The following COL8A1 variants were observed in gnomAD, a reference collection of about 807,000 sequenced individuals.
The protein encoded by COL8A1 is collagen type VIII alpha 1 chain.
COL8A1 carries 21 observed loss-of-function variants against 42.7 expected under a neutral mutation model. The observed-to-expected ratio is 0.49, with a 90% CI of 0.35 to 0.71. COL8A1 has a LOEUF of 0.71. COL8A1 is among the 30% of genes least tolerant of loss of function. The pLI is 0.01. For synonymous variants in COL8A1, 367 were observed against 369.1 expected (o/e 0.99, Z 0.06); for missense variants, 788 against 962.4 (o/e 0.82, Z 2.40).
chr3:99,747,785 T>C (rs1319807085), intron 2 of COL8A1, among the ~76,000 whole-genome samples: 1 of 152,212 alleles, frequency 6.6e-6, no homozygotes, highest in Non-Finnish European at 1.5e-5. Flanking sequence ...TACTTGTTAC[T>C]GCCACTGTCT....
At chr3:99,786,466 G>A (rs1397589405) in intron 2 of COL8A1, among the ~76,000 whole-genome samples, 1 of 152,056 alleles carries the variant, frequency 6.6e-6, no homozygotes, top group Non-Finnish European at 1.5e-5. Context: ...ACCAGAAAGT[G>A]GGTCTTCACT....
chr3:99,674,546 C>A (rs947751486), intron 1 of COL8A1, among the ~76,000 whole-genome samples: 1 of 152,054 alleles, frequency 6.6e-6, no homozygotes, highest in Admixed American at 6.6e-5. Context: ...CATGACTTGA[C>A]TCTCTATTCT....
intron 1 of COL8A1, among the ~76,000 whole-genome samples, chr3:99,734,376 A>G (rs1207632652): frequency 7.0e-6 from 1 of 143,868 alleles, no homozygotes; most frequent in Non-Finnish European, 1.5e-5. Context: ...ATGGCTAGCC[A>G]GTTTTCCCAG....
In COL8A1 at chr3:99,783,770, C is replaced by T. The variant is rs114043658; in HGVS notation, c.-3-6910C>T. 1.8e-3 allele frequency among the ~76,000 whole-genome samples: 276 copies of T among 152,320 alleles called. 3 individuals carry two copies. The highest frequency in any genetic ancestry group is 6.5e-3 in the African/African-American group (272 of 41,566). ...GCGGGGTTTGGGGGGATCTGCCAAA[C>T]ACTTTTAAACCATCAGATCTCATGA... is the stretch of plus-strand genomic sequence containing the variant. On this transcript the variant is annotated intron_variant, in intron 2 of 3. Transcript: ENST00000652472.
intron 1 of COL8A1, among the ~76,000 whole-genome samples, chr3:99,668,148 T>C (rs995015638): frequency 7.2e-5 from 11 of 152,090 alleles, no homozygotes; most frequent in Admixed American, 7.2e-4. Flanking sequence ...TTTTAAACTT[T>C]GGCAATGCTA....
intron 1 of COL8A1, chr3:99,675,700 A>C (rs1166574388): frequency 1.3e-5 from 2 of 152,456 alleles, no homozygotes; most frequent in East Asian, 3.9e-4. Context: ...AAGTCATCTC[A>C]AGAACAAAAG....
intron 3 of COL8A1, among the ~76,000 whole-genome samples, chr3:99,793,289 A>C (rs992040934): frequency 2.6e-5 from 4 of 152,214 alleles, no homozygotes; most frequent in Non-Finnish European, 5.9e-5. Flanking sequence ...CAAATTTCTC[A>C]CGAGATAAAA....
intron 1 of COL8A1, among the ~76,000 whole-genome samples, chr3:99,668,652 C>G (rs1938437427): frequency 6.6e-6 from 1 of 151,972 alleles, no homozygotes; most frequent in African/African-American, 2.4e-5. Context: ...AAACCTGACC[C>G]TCAGAACTTG....
rs569558988 is a variant in COL8A1 at position 99,766,649 on chromosome 3, C to G, written c.-4+21628C>G. On this transcript the variant is annotated intron_variant, in intron 2 of 3. Transcript: ENST00000652472. Reference sequence around the variant, plus strand: ...GACTCTCAGAAGCCAGTACCACTGACAGTTAAAGTTGATGTCCTGGCCAGA... The same window carrying G: ...GACTCTCAGAAGCCAGTACCACTGAGAGTTAAAGTTGATGTCCTGGCCAGA... Among the ~76,000 whole-genome samples the G allele has an allele frequency of 5.9e-5, 9 of 152,284 alleles. No individual in the cohort carries two copies. The East Asian group carries it at 1.7e-3, about 29-fold the overall frequency.
At chr3:99,773,833 A>ATATATATTATATATATATATATATATT (rs1941633711) in intron 2 of COL8A1, among the ~76,000 whole-genome samples, 1 of 71,658 alleles carries the variant, frequency 1.4e-5, no homozygotes, top group Non-Finnish European at 2.7e-5. Context: ...ATATATATAT[A>ATATATATTATATATATATATATATATT]TATATTTTTT....
rs535316525 is a variant in COL8A1, at chr3:99,793,905, C to G, written c.329-325C>G. ...TAGCTGGGACTACAGGCATGTGCCA[C>G]CACACCCGGCTAATTTTTGTATTTT... On this transcript the variant is annotated intron_variant, in intron 3 of 3. Coordinates refer to ENST00000652472, the MANE Select transcript of COL8A1 (RefSeq NM_020351.4). Among the ~76,000 whole-genome samples the G allele has an allele frequency of 1.1e-4, 16 of 152,268 alleles. No homozygotes were observed. In the South Asian group the frequency reaches 2.7e-3, roughly 26 times the overall value.
chr3:99,726,125 T>C (rs1379873274), intron 1 of COL8A1, among the ~76,000 whole-genome samples: 4 of 152,206 alleles, frequency 2.6e-5, no homozygotes, highest in Non-Finnish European at 4.4e-5. Flanking sequence ...TGTGAGATGG[T>C]ATCTCATTGT....
In COL8A1 at chr3:99,794,636, C is replaced by T. The variant is rs1174705949; in HGVS notation, c.735C>T (p.Phe245=). The T allele has an allele frequency of 1.4e-5, 23 of 1,613,266 alleles. No homozygotes were observed. The highest frequency in any genetic ancestry group is 1.1e-4 in the South Asian group (10 of 91,046). Reference sequence around the variant, plus strand: ...GGGGTCCTAAAGGAGACAAGGGCTTCGGGATGCCAGGTGCGCCAGGTGTAA... The same window carrying T: ...GGGGTCCTAAAGGAGACAAGGGCTTTGGGATGCCAGGTGCGCCAGGTGTAA... ...GLRGPKGDKG[F]GMPGAPGVKG... is the part of the protein sequence containing the mutation. Residue 245 remains phenylalanine (F), a synonymous_variant, in exon 4 of 4, where the codon TTC becomes TTT. Transcript: ENST00000652472. The surrounding 1 kb of genome is among the most constrained non-coding windows in gnomAD (Gnocchi z 4.3).
At chr3:99,687,183 G>C (rs1237657899) in intron 1 of COL8A1, among the ~76,000 whole-genome samples, 1 of 152,176 alleles carries the variant, frequency 6.6e-6, no homozygotes, top group African/African-American at 2.4e-5. Context: ...GCAATGTGGA[G>C]CCACCTAGCG....
chr3:99,711,746 T>TAG (rs1034104966), intron 1 of COL8A1, among the ~76,000 whole-genome samples: 4 of 152,042 alleles, frequency 2.6e-5, no homozygotes, highest in Admixed American at 2.6e-4. Flanking sequence ...ACTTTGAGAG[T>TAG]AGAGAGAGAG....
intron 1 of COL8A1, among the ~76,000 whole-genome samples, chr3:99,664,032 A>G (rs1349557134): frequency 1.3e-5 from 2 of 152,158 alleles, no homozygotes; most frequent in Non-Finnish European, 2.9e-5. Context: ...GTTACCAAAT[A>G]CTCAGTGTGC....
chr3:99,696,639 T>G (rs970886054), intron 1 of COL8A1, among the ~76,000 whole-genome samples: 1 of 152,106 alleles, frequency 6.6e-6, no homozygotes, highest in Non-Finnish European at 1.5e-5. Context: ...GGTGGGAGAT[T>G]CCATCTACCA....
intron 2 of COL8A1, among the ~76,000 whole-genome samples, chr3:99,752,388 T>G (rs1478007196): frequency 6.6e-6 from 1 of 152,112 alleles, no homozygotes; most frequent in Non-Finnish European, 1.5e-5. Context: ...TATTATTATT[T>G]ATAACATGAT....
chr3:99,750,634 T>C (rs1473953812), intron 2 of COL8A1, among the ~76,000 whole-genome samples: 1 of 152,160 alleles, frequency 6.6e-6, no homozygotes, highest in African/African-American at 2.4e-5. Flanking sequence ...ATAAATGTAA[T>C]AGGTTCTTCC....
Sources: gnomAD v4.1 joint callset for allele counts (sites outside exome capture counted in the v4.1 genomes callset) on GRCh38, gnomAD v4.1.1 for gene constraint, Gnocchi (gnomAD v3.1) non-coding constraint, MANE v1.5 for transcripts, NCBI Gene and HGNC (gene_info 2026-07-23, HGNC 2026-07-21) for gene names.